The following TBC1D15 variants were observed in gnomAD, a reference collection of about 807,000 sequenced individuals.
The protein encoded by TBC1D15 is GAP for RAB7.
Under a neutral mutation model 95.4 loss-of-function variants are expected in TBC1D15, and 39 were observed. The observed-to-expected ratio is 0.41, with a 90% confidence interval of 0.32 to 0.53. The LOEUF (loss-of-function observed/expected upper bound fraction) is 0.53. TBC1D15 is among the 20% of genes least tolerant of loss of function. The probability of loss-of-function intolerance (pLI) is 0.29; values close to 1 mark genes in which losing one functional copy is unlikely to be tolerated. For synonymous variants in TBC1D15, 258 were observed against 261.3 expected, an observed-to-expected ratio of 0.99 and a Z score of 0.12; for missense variants, 733 against 794.3, an observed-to-expected ratio of 0.92 and a Z score of 0.93.
At chr12:71,911,508 T>C (rs1902306937) in intron 11 of TBC1D15, among the ~76,000 whole-genome samples, 1 of 150,496 alleles carries the variant, frequency 6.6e-6, no homozygotes, top group Admixed American at 6.7e-5. Context: ...TCATTCTCAG[T>C]AAACTATCGC....
At chr12:71,848,284 G>A (rs989478870) in intron 1 of TBC1D15, among the ~76,000 whole-genome samples, 2 of 152,162 alleles carry the variant, frequency 1.3e-5, no homozygotes, top group Non-Finnish European at 2.9e-5. Context: ...TCCAAAGTAG[G>A]TGTAGTGTTT....
chr12:71,917,849 G>GA (rs765897598), intron 13 of TBC1D15, 52 bp downstream of exon 13: 3 of 1,210,746 alleles, frequency 2.5e-6, no homozygotes, highest in African/African-American at 3.0e-5. Flanking sequence ...GTAATGCATA[G>GA]AAAAAAATGT....
chr12:71,861,357 CT>C, intron 1 of TBC1D15: 2 of 1,049,604 alleles, frequency 1.9e-6, no homozygotes, highest in Non-Finnish European at 2.5e-6. Context: ...TAATGGGAGA[CT>C]TTTCATTACT....
intron 1 of TBC1D15, among the ~76,000 whole-genome samples, chr12:71,863,075 T>G (rs1890724693): frequency 6.6e-6 from 1 of 152,142 alleles, no homozygotes; most frequent in Non-Finnish European, 1.5e-5. Flanking sequence ...CTATAAGATT[T>G]CTAAGGAAAA....
chr12:71,864,064 CT>C (rs1890949158), intron 1 of TBC1D15, among the ~76,000 whole-genome samples: 1 of 149,780 alleles, frequency 6.7e-6, no homozygotes, highest in African/African-American at 2.4e-5. Flanking sequence ...TGGTGGTGTC[CT>C]ATTTTCTTGC....
intron 1 of TBC1D15, among the ~76,000 whole-genome samples, chr12:71,871,477 T>C (rs1201452144): frequency 6.6e-6 from 1 of 152,258 alleles, no homozygotes; most frequent in African/African-American, 2.4e-5. Flanking sequence ...TTAGAAAGGA[T>C]TGATTCCTCA....
intron 14 of TBC1D15, 42 bp from the exon 15 acceptor site, chr12:71,920,689 G>A: frequency 7.2e-7 from 1 of 1,392,122 alleles, no homozygotes; most frequent in Middle Eastern, 1.8e-4. Context: ...AAATGTTTTA[G>A]AATTGATACA....
chr12:71,913,122 G>C (rs539079238), intron 11 of TBC1D15, among the ~76,000 whole-genome samples: 5 of 152,124 alleles, frequency 3.3e-5, no homozygotes, highest in African/African-American at 1.2e-4. Flanking sequence ...ATAATATCAA[G>C]AGACATGTAG....
intron 1 of TBC1D15, among the ~76,000 whole-genome samples, chr12:71,863,049 CT>C (rs1890718924): frequency 6.6e-6 from 1 of 152,128 alleles, no homozygotes; most frequent in African/African-American, 2.4e-5. Flanking sequence ...AATATATCAT[CT>C]CATACTGTCC....
chr12:71,842,536 T>A (rs1278459361), intron 1 of TBC1D15, among the ~76,000 whole-genome samples: 1 of 151,964 alleles, frequency 6.6e-6, no homozygotes, highest in Non-Finnish European at 1.5e-5. Context: ...CAAGAAGGTA[T>A]GAGAAAATGA....
At chr12:71,878,432 G>A (rs1894421139) in intron 3 of TBC1D15, among the ~76,000 whole-genome samples, 1 of 151,828 alleles carries the variant, frequency 6.6e-6, no homozygotes, top group Non-Finnish European at 1.5e-5. Flanking sequence ...AGAGAGAGAG[G>A]TGGGGAACAG....
At chr12:71,905,916 A>G (rs1017739261) in intron 10 of TBC1D15, among the ~76,000 whole-genome samples, 2 of 151,912 alleles carry the variant, frequency 1.3e-5, no homozygotes, top group Non-Finnish European at 2.9e-5. Flanking sequence ...TCTGTGACCC[A>G]TGCTAGAGTG....
At chr12:71,899,870 G>A (rs1898960415) in intron 10 of TBC1D15, among the ~76,000 whole-genome samples, 1 of 152,008 alleles carries the variant, frequency 6.6e-6, no homozygotes, top group African/African-American at 2.4e-5. Flanking sequence ...GAGGTGGGAG[G>A]ATCACTTGAG....
chr12:71,851,763 G>A (rs1392818792), intron 1 of TBC1D15, among the ~76,000 whole-genome samples: 2 of 152,050 alleles, frequency 1.3e-5, no homozygotes, highest in African/African-American at 2.4e-5. Flanking sequence ...GATGCAAGGG[G>A]TGGGCACCCA....
intron 13 of TBC1D15, among the ~76,000 whole-genome samples, 178 bp from the exon 14 acceptor site, chr12:71,918,269 ATTAT>A (rs1263645838): frequency 4.6e-5 from 7 of 152,336 alleles, no homozygotes; most frequent in African/African-American, 1.7e-4. Flanking sequence ...CGTAAAATGT[ATTAT>A]TTGTTAGTTT....
At chr12:71,890,083 A>C (rs1274078995) in intron 5 of TBC1D15, among the ~76,000 whole-genome samples, 1 of 152,138 alleles carries the variant, frequency 6.6e-6, no homozygotes, top group Non-Finnish European at 1.5e-5. Context: ...TGCTATTGTG[A>C]ATTACAGAAT....
intron 1 of TBC1D15, among the ~76,000 whole-genome samples, chr12:71,855,086 C>T (rs978402474): frequency 3.9e-5 from 6 of 151,998 alleles, no homozygotes; most frequent in African/African-American, 1.2e-4. Flanking sequence ...TGGCAGAAGG[C>T]GAAGGGGAAG....
intron 5 of TBC1D15, among the ~76,000 whole-genome samples, chr12:71,888,576 G>A (rs1017583797): frequency 4.6e-5 from 7 of 152,094 alleles, no homozygotes; most frequent in African/African-American, 1.7e-4. Flanking sequence ...GAACTAAACT[G>A]GCTGTTGTTA....
intron 10 of TBC1D15, among the ~76,000 whole-genome samples, chr12:71,901,875 A>G: frequency 6.6e-6 from 1 of 152,208 alleles, no homozygotes; most frequent in East Asian, 1.9e-4. Context: ...TAGATCTGAT[A>G]AACAACTTCA....
Sources: gnomAD v4.1 joint callset for allele counts (sites outside exome capture counted in the v4.1 genomes callset) on GRCh38, gnomAD v4.1.1 for gene constraint, MANE v1.5 for transcripts, NCBI Gene and HGNC (gene_info 2026-07-23, HGNC 2026-07-21) for gene names.